The following CCDC149 variants were observed in gnomAD, a reference collection of about 807,000 sequenced individuals.
CCDC149 encodes the protein coiled-coil domain containing 149.
A neutral mutation model predicts 59.9 loss-of-function variants in CCDC149; 45 were observed. That is an observed-to-expected ratio of 0.75 (90% confidence interval 0.59 to 0.96). The LOEUF (loss-of-function observed/expected upper bound fraction) is 0.96. CCDC149 is among the 40% of genes least tolerant of loss of function. CCDC149 has a pLI of 0.00. For synonymous variants in CCDC149, 245 were observed against 260.6 expected, an observed-to-expected ratio of 0.94 and a Z score of 0.58; for missense variants, 584 against 664.7, an observed-to-expected ratio of 0.88 and a Z score of 1.33.
chr4:24,951,983 A>T (rs1345036237), intron 1 of CCDC149, among the ~76,000 whole-genome samples: 1 of 152,142 alleles, frequency 6.6e-6, no homozygotes, highest in Non-Finnish European at 1.5e-5. Context: ...TCCTTTCTCA[A>T]TTTTGAAAGG....
chr4:24,905,564 T>C lies in CCDC149; in HGVS notation c.63+7253A>G, dbSNP rs371380154. Among the ~76,000 whole-genome samples the C allele has an allele frequency of 1.9e-4, 29 of 150,206 alleles. No homozygotes were observed. The East Asian group carries it at 4.9e-3, about 26-fold the overall frequency. ...GATTCTCCTGCCTCAGCCTCCTGGG[T>C]AGCTGGGACTACAAGCGCGTGCCAC... On this transcript the variant is annotated intron_variant, in intron 1 of 12. Transcript: ENST00000635206.
intron 1 of CCDC149, among the ~76,000 whole-genome samples, chr4:24,883,206 T>TC (rs1406260921): frequency 1.9e-5 from 1 of 52,916 alleles, no homozygotes; most frequent in Non-Finnish European, 6.5e-5. Context: ...TTCTTTTCTT[T>TC]TTTTTTTTTT....
intron 12 of CCDC149, among the ~76,000 whole-genome samples, chr4:24,815,746 T>C (rs2109096347): frequency 1.3e-5 from 2 of 152,324 alleles, no homozygotes; most frequent in Middle Eastern, 6.8e-3. Context: ...TGCCATTTCG[T>C]TAGATGACAT....
intron 3 of CCDC149, among the ~76,000 whole-genome samples, chr4:24,869,409 A>G (rs1718894254): frequency 6.6e-6 from 1 of 152,134 alleles, no homozygotes; most frequent in African/African-American, 2.4e-5. Context: ...GCCCAGCTGC[A>G]CTTCTGTCTC....
intron 3 of CCDC149, among the ~76,000 whole-genome samples, chr4:24,867,731 A>G (rs1381423101): frequency 2.0e-5 from 3 of 152,212 alleles, no homozygotes; most frequent in Admixed American, 2.0e-4. Flanking sequence ...TTCACAAGAG[A>G]ATAAGAACCA....
intron 1 of CCDC149, among the ~76,000 whole-genome samples, chr4:24,930,426 C>T (rs1722554170): frequency 6.6e-6 from 1 of 152,198 alleles, no homozygotes; most frequent in African/African-American, 2.4e-5. Flanking sequence ...TATGTGATTA[C>T]ATAAACAGAA....
intron 1 of CCDC149, among the ~76,000 whole-genome samples, chr4:24,924,822 G>A (rs948161671): frequency 1.3e-5 from 2 of 152,204 alleles, no homozygotes; most frequent in Admixed American, 1.3e-4. Flanking sequence ...CACCTCTTGA[G>A]TATGGATGAG....
At chr4:24,820,298 G>C (rs1291761451) in intron 11 of CCDC149, 1 of 254,332 alleles carries the variant, frequency 3.9e-6, no homozygotes, top group African/African-American at 2.3e-5. Context: ...GGGGTGATAA[G>C]CATGTCTAGA....
At chr4:24,917,401 G>A (rs146741065), upstream of CCDC149, among the ~76,000 whole-genome samples, 758 of 152,330 alleles carry the variant, frequency 5.0e-3, 9 homozygotes, top group African/African-American at 0.017. Flanking sequence ...CCGGGGACCC[G>A]CAGTTGTCAT....
chr4:24,815,720 C>T (rs1714971636), intron 12 of CCDC149, among the ~76,000 whole-genome samples: 1 of 152,174 alleles, frequency 6.6e-6, no homozygotes, highest in Non-Finnish European at 1.5e-5. Flanking sequence ...CTTTCAGTTG[C>T]TGGTATTTTG....
intron 1 of CCDC149, among the ~76,000 whole-genome samples, chr4:24,889,356 C>A (rs1413637127): frequency 6.6e-6 from 1 of 152,182 alleles, no homozygotes; most frequent in Non-Finnish European, 1.5e-5. Context: ...AAGATAGCAT[C>A]TATTTCTAAA....
At chr4:24,932,980 A>G (rs145942309) in intron 1 of CCDC149, among the ~76,000 whole-genome samples, 4 of 152,306 alleles carry the variant, frequency 2.6e-5, no homozygotes, top group Admixed American at 6.5e-5. Flanking sequence ...CAGCAAACCT[A>G]TTTCAGAGAA....
chr4:24,863,757 T>A (rs1718519525), intron 3 of CCDC149, among the ~76,000 whole-genome samples: 1 of 152,258 alleles, frequency 6.6e-6, no homozygotes, highest in Non-Finnish European at 1.5e-5. Flanking sequence ...GGAAATGTTA[T>A]TGCTTCCTTA....
chr4:24,919,870 A>T (rs574260290), intron 1 of CCDC149, among the ~76,000 whole-genome samples: 36 of 152,352 alleles, frequency 2.4e-4, no homozygotes, highest in African/African-American at 8.2e-4. Context: ...AGGTGCTGTT[A>T]TTATTATCCA....
intron 3 of CCDC149, among the ~76,000 whole-genome samples, chr4:24,858,464 T>C (rs1007088806): frequency 6.6e-6 from 1 of 152,196 alleles, no homozygotes; most frequent in Non-Finnish European, 1.5e-5. Context: ...GCTCTGATAA[T>C]AGTGGAATGT....
intron 1 of CCDC149, among the ~76,000 whole-genome samples, chr4:24,895,293 T>C (rs541145501): frequency 6.6e-6 from 1 of 152,290 alleles, no homozygotes; most frequent in Admixed American, 6.5e-5. Context: ...TATGTGCACA[T>C]GTAAAAATGC....
At chr4:24,841,563 T>C (rs1324696293) in intron 4 of CCDC149, among the ~76,000 whole-genome samples, 4 of 152,226 alleles carry the variant, frequency 2.6e-5, no homozygotes, top group African/African-American at 9.6e-5. Context: ...GGATCATTAG[T>C]TGTGTCTGAA....
At chr4:24,825,332 C>T (rs1262725351) in intron 9 of CCDC149, among the ~76,000 whole-genome samples, 4 of 152,198 alleles carry the variant, frequency 2.6e-5, no homozygotes, top group African/African-American at 4.8e-5. Context: ...TAGGCATGCA[C>T]AGATGCTCCC....
At chr4:24,941,132 C>T (rs955585497) in intron 1 of CCDC149, among the ~76,000 whole-genome samples, 1 of 152,142 alleles carries the variant, frequency 6.6e-6, no homozygotes, top group African/African-American at 2.4e-5. Flanking sequence ...CCAAATTTGA[C>T]CACATAGTTG....
Sources: allele counts gnomAD v4.1 joint callset (sites outside exome capture counted in the v4.1 genomes callset), GRCh38; gene constraint gnomAD v4.1.1; transcripts MANE v1.5; gene names NCBI Gene and HGNC (gene_info 2026-07-23, HGNC 2026-07-21).